KIF26B: variants seen among roughly 807,000 people sequenced by gnomAD.
KIF26B encodes the protein kinesin family member 26B, also known as kinesin-like protein KIF26B.
Under a neutral mutation model 151.2 loss-of-function variants are expected in KIF26B, and 63 were observed. The ratio of observed to expected loss-of-function variants is 0.42; its 90% CI spans 0.34 to 0.51. KIF26B has a LOEUF of 0.51. Ranked by LOEUF, KIF26B falls within the 20% of genes least tolerant of loss-of-function variation. The pLI, the probability that KIF26B is intolerant of heterozygous loss-of-function variation, is 0.07. For missense variants in KIF26B, 2,813 were observed against 2,913.6 expected, an observed-to-expected ratio of 0.97 and a Z score of 0.79; for synonymous variants, 1,357 against 1,262.1, an observed-to-expected ratio of 1.08 and a Z score of -1.59.
intron 2 of KIF26B, among the ~76,000 whole-genome samples, chr1:245,229,395 G>A (rs903084550): frequency 4.6e-5 from 7 of 152,192 alleles, no homozygotes; most frequent in Non-Finnish European, 1.0e-4. Flanking sequence ...TCTGCCTGGA[G>A]TGATGAGGGT....
At chr1:245,468,596 C>G (rs1371495152) in intron 4 of KIF26B, among the ~76,000 whole-genome samples, 3 of 151,906 alleles carry the variant, frequency 2.0e-5, no homozygotes, top group African/African-American at 4.8e-5. Flanking sequence ...AATAAGAAAG[C>G]CTTTGCTGAG....
intron 4 of KIF26B, among the ~76,000 whole-genome samples, chr1:245,524,839 C>T (rs1661204892): frequency 6.6e-6 from 1 of 152,194 alleles, no homozygotes; most frequent in African/African-American, 2.4e-5. Context: ...TCTCAACCCA[C>T]TGAAATGTGC....
intron 14 of KIF26B, 90 bp downstream of exon 14, chr1:245,699,127 G>C: frequency 3.7e-6 from 5 of 1,346,594 alleles, no homozygotes; most frequent in East Asian, 2.3e-5. Flanking sequence ...AGTGACACAG[G>C]CTGTGTCCTC....
At chr1:245,670,173 G>C (rs532748687) in intron 10 of KIF26B, among the ~76,000 whole-genome samples, 1 of 149,926 alleles carries the variant, frequency 6.7e-6, no homozygotes, top group South Asian at 2.1e-4. Flanking sequence ...ATCTTTAGAA[G>C]AACACTTTTT....
At chr1:245,210,495 C>G (rs1669495277) in intron 2 of KIF26B, among the ~76,000 whole-genome samples, 1 of 137,066 alleles carries the variant, frequency 7.3e-6, no homozygotes, top group Non-Finnish European at 1.5e-5. Context: ...TGTCTGGAAC[C>G]CAATATCCTA....
At chr1:245,331,726 T>C (rs1026268890) in intron 2 of KIF26B, among the ~76,000 whole-genome samples, 1 of 152,242 alleles carries the variant, frequency 6.6e-6, no homozygotes, top group Non-Finnish European at 1.5e-5. Context: ...ACTATTATTA[T>C]ATAGTGCATA....
At chr1:245,258,266 G>A (rs1166788948) in intron 2 of KIF26B, among the ~76,000 whole-genome samples, 7 of 152,204 alleles carry the variant, frequency 4.6e-5, no homozygotes, top group Non-Finnish European at 7.3e-5. Flanking sequence ...CCTTCTAGGA[G>A]CTGCTGTCCA....
chr1:245,578,692 TTC>T (rs1456321759), intron 5 of KIF26B, among the ~76,000 whole-genome samples: 1 of 152,228 alleles, frequency 6.6e-6, no homozygotes, highest in Non-Finnish European at 1.5e-5. Context: ...GGTAAAAGAA[TTC>T]TGTTACTGGG....
At chr1:245,644,022 G>A (rs2043919656) in intron 9 of KIF26B, among the ~76,000 whole-genome samples, 1 of 152,028 alleles carries the variant, frequency 6.6e-6, no homozygotes, top group Non-Finnish European at 1.5e-5. Flanking sequence ...GGATACATGG[G>A]TTTATGACTT....
intron 5 of KIF26B, among the ~76,000 whole-genome samples, chr1:245,579,796 C>T (rs1437653021): frequency 6.6e-6 from 1 of 151,058 alleles, no homozygotes; most frequent in Non-Finnish European, 1.5e-5. Flanking sequence ...TGCGGTGAGC[C>T]GAGATTGCGC....
intron 2 of KIF26B, among the ~76,000 whole-genome samples, chr1:245,346,198 C>T (rs1481238679): frequency 1.3e-5 from 2 of 152,164 alleles, no homozygotes. Flanking sequence ...CTGCCTCGGC[C>T]TCCCAAAGTG....
intron 4 of KIF26B, among the ~76,000 whole-genome samples, chr1:245,470,180 A>G (rs1659879929): frequency 6.6e-6 from 1 of 152,058 alleles, no homozygotes; most frequent in South Asian, 2.1e-4. Flanking sequence ...TGACACCCAG[A>G]CTTAGATTCT....
chr1:245,588,013 T>C (rs763044462), intron 5 of KIF26B, among the ~76,000 whole-genome samples: 1 of 152,222 alleles, frequency 6.6e-6, no homozygotes, highest in Non-Finnish European at 1.5e-5. Flanking sequence ...TCTGCCTTAT[T>C]GATCAGGTGC....
chr1:245,656,100 A>G (rs529568490), intron 10 of KIF26B, among the ~76,000 whole-genome samples: 16 of 124,210 alleles, frequency 1.3e-4, no homozygotes, highest in Admixed American at 2.5e-4. Context: ...AAAATACCCT[A>G]CAATAAATAC....
chr1:245,661,671 C>A (rs1287244087), intron 10 of KIF26B, among the ~76,000 whole-genome samples: 1 of 146,830 alleles, frequency 6.8e-6, no homozygotes, highest in African/African-American at 2.6e-5. Context: ...CACACACACT[C>A]AATATATATA....
chr1:245,513,208 ACC>A lies in KIF26B; in HGVS notation c.1167-27551_1167-27550del, dbSNP rs5782355. On this transcript the variant is annotated intron_variant, in intron 4 of 14. Coordinates refer to ENST00000407071, the MANE Select transcript of KIF26B (RefSeq NM_018012.4). ...CCCCTGGTGGACAGCTCCAACCTGC[ACC>A]CCCCCCCAACCCCGCCGCCCCCTCT... is the stretch of plus-strand genomic sequence containing the variant. Among the ~76,000 whole-genome samples the A allele has an allele frequency of 5.4e-3, 713 of 133,116 alleles. 7 individuals carry two copies. Among genetic ancestry groups the A allele is most frequent in the African/African-American group, 0.019 (667 of 34,344 alleles). The allele number at this position is 133,116 out of a possible 152,430, so 87.3% of individuals were successfully genotyped here. A position where few individuals can be genotyped will look rare whatever the true frequency, so the allele number is the denominator to read the frequency against.
chr1:245,155,679 G>T (rs1300822479), intron 1 of KIF26B, among the ~76,000 whole-genome samples, 192 bp downstream of exon 1: 1 of 152,242 alleles, frequency 6.6e-6, no homozygotes, highest in South Asian at 2.1e-4. Flanking sequence ...CTCGCTCTCG[G>T]AATTTTTTCA....
At chr1:245,585,381 T>C (rs1380869916) in intron 5 of KIF26B, among the ~76,000 whole-genome samples, 1 of 152,216 alleles carries the variant, frequency 6.6e-6, no homozygotes, top group Non-Finnish European at 1.5e-5. Context: ...GTAAAGAGTC[T>C]GTGCTGTTTC....
At chr1:245,692,584 A>G (rs921056578) in intron 12 of KIF26B, among the ~76,000 whole-genome samples, 5 of 152,134 alleles carry the variant, frequency 3.3e-5, no homozygotes, top group Admixed American at 2.0e-4. Context: ...CGTCCCAGCA[A>G]GCAGAGCAAG....
Sources: allele counts gnomAD v4.1 joint callset (sites outside exome capture counted in the v4.1 genomes callset), GRCh38; gene constraint gnomAD v4.1.1; transcripts MANE v1.5; gene names NCBI Gene and HGNC (gene_info 2026-07-23, HGNC 2026-07-21).